The following NBEA variants were observed in gnomAD, a reference collection of about 807,000 sequenced individuals.
NBEA encodes the protein neurobeachin.
Under a neutral mutation model 343.4 loss-of-function variants are expected in NBEA, and 44 were observed. The ratio of observed to expected loss-of-function variants is 0.13; its 90% CI spans 0.10 to 0.16. NBEA has a LOEUF of 0.16. Among genes scored for constraint, NBEA ranks in the 10% least tolerant of loss-of-function variants. NBEA has a pLI of 1.00. For synonymous variants in NBEA, 1,175 were observed against 1,238.7 expected (o/e 0.95, Z 1.08); for missense variants, 2,555 against 3,631.3 (o/e 0.70, Z 7.62).
At chr13:35,121,173 C>T (rs193256297) in intron 16 of NBEA, among the ~76,000 whole-genome samples, 24 of 152,102 alleles carry the variant, frequency 1.6e-4, no homozygotes, top group East Asian at 7.8e-4. Context: ...GGTACCATCT[C>T]GGCTTATGGC....
At chr13:35,432,228 T>G in intron 38 of NBEA, 41 bp from the exon 39 acceptor site, 1 of 1,507,924 alleles carries the variant, frequency 6.6e-7, no homozygotes, top group East Asian at 2.4e-5. Flanking sequence ...CAGCTATGCA[T>G]TGTTATTAAT....
At chr13:35,181,108 A>G (rs113849733) in intron 28 of NBEA, among the ~76,000 whole-genome samples, 2,641 of 152,006 alleles carry the variant, frequency 0.017, 79 homozygotes, top group African/African-American at 0.055. Context: ...CATTTTTGCA[A>G]TTGAAAATTG....
At chr13:35,374,215 A>C (rs1400603182) in intron 38 of NBEA, among the ~76,000 whole-genome samples, 1 of 151,986 alleles carries the variant, frequency 6.6e-6, no homozygotes, top group Non-Finnish European at 1.5e-5. Flanking sequence ...TTTTTGCCTC[A>C]GGTAATGGGG....
chr13:35,050,533 CT>C, intron 6 of NBEA, 138 bp downstream of exon 6: 1 of 955,140 alleles, frequency 1.0e-6, no homozygotes, highest in Non-Finnish European at 1.5e-6. Flanking sequence ...TCTGCATTTC[CT>C]TTTTACTTTT....
intron 45 of NBEA, among the ~76,000 whole-genome samples, chr13:35,582,139 AGCTGGGCATGGTGGCGGG>A (rs1483654708): frequency 2.6e-5 from 4 of 151,946 alleles, no homozygotes; most frequent in African/African-American, 9.7e-5. Flanking sequence ...ACAAAAAATT[AGCTGGGCATGGTGGCGGG>A]CGCCTGTAGT....
chr13:35,125,029 T>C (rs1441017156), intron 17 of NBEA, among the ~76,000 whole-genome samples: 1 of 152,104 alleles, frequency 6.6e-6, no homozygotes, highest in Non-Finnish European at 1.5e-5. Context: ...TTAAAAAATT[T>C]ACGAAAAGAT....
At position 35,475,279 on chromosome 13, in the gene NBEA, C is replaced by T. The variant is rs777158707; in HGVS notation, c.6585+2743C>T. 1.7e-5 allele frequency: 28 copies of T among 1,613,910 alleles called. No individual in the cohort carries two copies. Among genetic ancestry groups the T allele is most frequent in the Admixed American group, 1.7e-4 (10 of 59,984 alleles). ...GCAAGACTCGTCCCAGTCCGACTCTCGGGGATGCTTTTCACACTCGTAGGA... is the reference window on the plus strand; with the variant it reads ...GCAAGACTCGTCCCAGTCCGACTCTTGGGGATGCTTTTCACACTCGTAGGA... On this transcript the variant is annotated intron_variant, in intron 41 of 58. Coordinates refer to ENST00000379939, the MANE Select transcript of NBEA (RefSeq NM_001385012.1).
intron 1 of NBEA, among the ~76,000 whole-genome samples, chr13:35,033,038 G>T (rs1263119416): frequency 2.0e-5 from 3 of 151,698 alleles, no homozygotes; most frequent in Non-Finnish European, 3.0e-5. Context: ...GTTTGCTTTG[G>T]TTGCCTGTGC....
intron 51 of NBEA, 147 bp from the exon 52 acceptor site, chr13:35,649,508 A>G (rs2084413934): frequency 3.0e-6 from 2 of 664,018 alleles, no homozygotes; most frequent in South Asian, 1.9e-5. Context: ...TGGGGCAGAC[A>G]TTCACCAGTA....
intron 35 of NBEA, among the ~76,000 whole-genome samples, chr13:35,304,493 A>G (rs753703636): frequency 2.6e-5 from 4 of 152,130 alleles, no homozygotes; most frequent in African/African-American, 9.7e-5. Flanking sequence ...AGCTGGGATT[A>G]TAGGTGCTCA....
At chr13:35,621,066 C>T (rs1278458422) in intron 48 of NBEA, among the ~76,000 whole-genome samples, 4 of 152,176 alleles carry the variant, frequency 2.6e-5, no homozygotes, top group Non-Finnish European at 2.9e-5. Context: ...GTTTATCCTC[C>T]GCTAGACTGT....
chr13:35,468,998 C>T (rs1440055042), intron 40 of NBEA, among the ~76,000 whole-genome samples: 2 of 147,202 alleles, frequency 1.4e-5, no homozygotes, highest in Non-Finnish European at 3.0e-5. Flanking sequence ...ACTCAGGAGG[C>T]TGAGGCAGGA....
At chr13:35,523,888 T>C (rs1258842990) in intron 41 of NBEA, among the ~76,000 whole-genome samples, 1 of 152,192 alleles carries the variant, frequency 6.6e-6, no homozygotes, top group Non-Finnish European at 1.5e-5. Flanking sequence ...TTCCTTTGAT[T>C]TTTTTTCTGC....
intron 36 of NBEA, among the ~76,000 whole-genome samples, chr13:35,323,408 C>T (rs930362956): frequency 5.3e-5 from 8 of 151,998 alleles, no homozygotes; most frequent in African/African-American, 1.9e-4. Context: ...AGTTCATGTC[C>T]TTTGTAGGGA....
intron 36 of NBEA, among the ~76,000 whole-genome samples, chr13:35,347,947 T>C (rs2039981159): frequency 6.6e-6 from 1 of 152,000 alleles, no homozygotes; most frequent in South Asian, 2.1e-4. Context: ...AGCAACAGAC[T>C]CCAGAAGAGA....
chr13:35,586,097 C>G (rs561871118), intron 46 of NBEA, among the ~76,000 whole-genome samples: 1 of 152,190 alleles, frequency 6.6e-6, no homozygotes, highest in African/African-American at 2.4e-5. Context: ...TACCTCAGAC[C>G]ACTCTATTGT....
intron 55 of NBEA, among the ~76,000 whole-genome samples, chr13:35,662,057 G>C (rs1485593654): frequency 1.3e-5 from 2 of 152,122 alleles, no homozygotes; most frequent in East Asian, 3.9e-4. Flanking sequence ...TTCTCTAAAA[G>C]CCAGAGACCA....
chr13:35,193,194 A>G (rs1231452858), intron 30 of NBEA, among the ~76,000 whole-genome samples: 2 of 151,976 alleles, frequency 1.3e-5, no homozygotes, highest in African/African-American at 2.4e-5. Flanking sequence ...TGTACAATCC[A>G]TAGATACAAA....
chr13:35,646,219 A>T, intron 50 of NBEA, 40 bp from the exon 51 acceptor site: 1 of 1,422,200 alleles, frequency 7.0e-7, no homozygotes, highest in Non-Finnish European at 9.9e-7. Flanking sequence ...TCTCTCTTTG[A>T]TGCATATTGA....
Sources: gnomAD v4.1 joint callset for allele counts (sites outside exome capture counted in the v4.1 genomes callset) on GRCh38, gnomAD v4.1.1 for gene constraint, MANE v1.5 for transcripts, NCBI Gene and HGNC (gene_info 2026-07-23, HGNC 2026-07-21) for gene names.